Variants in ZNF385D observed in about 807,000 individuals in gnomAD.
ZNF385D encodes the protein zinc finger protein 385D, also known as zinc finger protein 659.
In ZNF385D, 15 loss-of-function variants were observed where a neutral mutation model predicts 35.8. The observed-to-expected ratio is 0.42, with a 90% CI of 0.28 to 0.64. The LOEUF (loss-of-function observed/expected upper bound fraction) is 0.64, where lower values mean the gene tolerates loss of function less well. Among genes scored for constraint, ZNF385D ranks in the 30% least tolerant of loss-of-function variants. ZNF385D has a pLI of 0.23. For missense variants in ZNF385D, 474 were observed against 494.6 expected (o/e 0.96, Z 0.39); for synonymous variants, 212 against 186.8 (o/e 1.13, Z -1.10).
chr3:22,199,421 G>T (rs948119125), intron 2 of ZNF385D, among the ~76,000 whole-genome samples: 1 of 152,060 alleles, frequency 6.6e-6, no homozygotes, highest in African/African-American at 2.4e-5. Context: ...ATCCAAAAAG[G>T]GAGTGTTTGC....
At chr3:22,094,382 G>T (rs1360138229) in intron 3 of ZNF385D, among the ~76,000 whole-genome samples, 1 of 29,006 alleles carries the variant, frequency 3.4e-5, no homozygotes, top group Non-Finnish European at 7.4e-5. Flanking sequence ...GTCATTTATT[G>T]TTGATATATA....
intron 4 of ZNF385D, among the ~76,000 whole-genome samples, chr3:21,460,396 G>C (rs879385001): frequency 6.6e-6 from 1 of 152,120 alleles, no homozygotes; most frequent in Non-Finnish European, 1.5e-5. Flanking sequence ...ATAAAACAGT[G>C]GGTGGATAAT....
In ZNF385D at chr3:22,044,933, C is replaced by T. The variant is rs189197651; in HGVS notation, c.325+123884G>A. Among the ~76,000 whole-genome samples the T allele has an allele frequency of 1.8e-3, 273 of 152,098 alleles. 3 individuals are homozygous for T. Among genetic ancestry groups the T allele is most frequent in the African/African-American group, 6.1e-3 (255 of 41,504 alleles). On this transcript the variant is annotated intron_variant, in intron 3 of 5. Transcript: ENST00000494108. ...GTAATTGGAAGTATGGTGCAGAATA[C>T]GGAGAGGTACATAAAAAAAGACTGA...
intron 3 of ZNF385D, among the ~76,000 whole-genome samples, chr3:21,816,067 C>T (rs940086636): frequency 6.6e-6 from 1 of 152,182 alleles, no homozygotes; most frequent in South Asian, 2.1e-4. Context: ...ATAAACAGAA[C>T]CAAAGACAAA....
chr3:22,175,658 G>A (rs578131340), intron 2 of ZNF385D, among the ~76,000 whole-genome samples: 55 of 151,564 alleles, frequency 3.6e-4, no homozygotes, highest in Non-Finnish European at 4.1e-4. Flanking sequence ...AAAAAAATAC[G>A]TAGTAACTTT....
At chr3:21,483,773 T>C (rs559607951) in intron 4 of ZNF385D, among the ~76,000 whole-genome samples, 1 of 152,326 alleles carries the variant, frequency 6.6e-6, no homozygotes, top group East Asian at 1.9e-4. Context: ...GGATTATTTG[T>C]TTTCTTGCTG....
chr3:22,269,714 T>G (rs1701076323), intron 2 of ZNF385D, among the ~76,000 whole-genome samples: 1 of 151,862 alleles, frequency 6.6e-6, no homozygotes, highest in African/African-American at 2.4e-5. Context: ...TCATTCTCTT[T>G]TTTTGGGGGG....
At chr3:22,272,260 T>C (rs1247632767) in intron 2 of ZNF385D, among the ~76,000 whole-genome samples, 1 of 152,054 alleles carries the variant, frequency 6.6e-6, no homozygotes, top group Admixed American at 6.6e-5. Flanking sequence ...ACTTGCAATA[T>C]TATCAACTTA....
intron 3 of ZNF385D, among the ~76,000 whole-genome samples, chr3:22,076,496 C>G (rs1412734413): frequency 6.6e-6 from 1 of 151,900 alleles, no homozygotes; most frequent in Non-Finnish European, 1.5e-5. Context: ...CATAACCAAA[C>G]CACTTAAAGT....
intron 1 of ZNF385D, among the ~76,000 whole-genome samples, chr3:21,741,632 G>T (rs2336043): frequency 0.18 from 26,892 of 150,738 alleles, 2,500 homozygotes; most frequent in Middle Eastern, 0.31. Context: ...ATTTTGCCTT[G>T]TTTTTTTTTT....
chr3:21,484,453 C>A (rs1312254692), intron 4 of ZNF385D, among the ~76,000 whole-genome samples: 1 of 152,204 alleles, frequency 6.6e-6, no homozygotes, highest in Non-Finnish European at 1.5e-5. Flanking sequence ...GGTCAGTGAA[C>A]ATCCAAGACC....
At chr3:22,352,539 G>A (rs571073915) in intron 2 of ZNF385D, among the ~76,000 whole-genome samples, 1 of 152,108 alleles carries the variant, frequency 6.6e-6, no homozygotes, top group Non-Finnish European at 1.5e-5. Context: ...TTGGATCTTT[G>A]ATTCTTGTAA....
intron 2 of ZNF385D, among the ~76,000 whole-genome samples, chr3:22,256,963 G>A (rs1559482648): frequency 6.6e-6 from 1 of 151,726 alleles, no homozygotes; most frequent in African/African-American, 2.4e-5. Flanking sequence ...GGAAGACTTA[G>A]ATCAAAAGTT....
intron 2 of ZNF385D, among the ~76,000 whole-genome samples, chr3:21,656,747 T>G (rs1048124250): frequency 6.6e-6 from 1 of 151,958 alleles, no homozygotes. Context: ...TTGCTAGCCA[T>G]GAAACTGGAC....
chr3:21,651,510 G>A (rs996280845), intron 2 of ZNF385D, among the ~76,000 whole-genome samples: 6 of 151,334 alleles, frequency 4.0e-5, no homozygotes, highest in Non-Finnish European at 5.9e-5. Context: ...CAGCAATGTG[G>A]TATTTTTTTT....
chr3:22,022,834 G>A lies in ZNF385D; in HGVS notation c.325+145983C>T, dbSNP rs184449176. 3.9e-5 allele frequency among the ~76,000 whole-genome samples: 6 copies of A among 152,224 alleles called. 1 individual carries two copies. Among genetic ancestry groups the A allele is most frequent in the Admixed American group, 1.3e-4 (2 of 15,264 alleles). ...ATAACATATGCAAAATAGTTACCAGGAAGGCAAAACGAATATTTTTAAAAG... is the reference window on the plus strand; with the variant it reads ...ATAACATATGCAAAATAGTTACCAGAAAGGCAAAACGAATATTTTTAAAAG... On this transcript the variant is annotated intron_variant, in intron 3 of 5. Coordinates refer to the ZNF385D transcript ENST00000494108.
chr3:22,275,655 A>C (rs1241457960), intron 2 of ZNF385D, among the ~76,000 whole-genome samples: 1 of 152,180 alleles, frequency 6.6e-6, no homozygotes, highest in East Asian at 1.9e-4. Flanking sequence ...GGAAAAGCCA[A>C]TAATCATATT....
chr3:22,246,786 T>C (rs1453613496), intron 2 of ZNF385D, among the ~76,000 whole-genome samples: 1 of 152,134 alleles, frequency 6.6e-6, no homozygotes, highest in Admixed American at 6.6e-5. Context: ...GTCTTACATG[T>C]TCCCACTCTT....
chr3:21,732,027 G>GT lies in ZNF385D; in HGVS notation c.22+18867_22+18868insA, dbSNP rs1559561812. Among the ~76,000 whole-genome samples, 28 of 64,262 alleles carry GT rather than the reference G, an allele frequency of 4.4e-4. 6 individuals carry two copies. Among genetic ancestry groups the GT allele is most frequent in the South Asian group, 1.4e-3 (2 of 1,468 alleles). The allele number at this position is 64,262 out of a possible 152,430, so 42.2% of individuals were successfully genotyped here. The stretch of plus-strand genomic sequence containing the variant: ...CTATTCAGGGTTTTTTTCTTTTTTC[G>GT]GGGTTTTTTTTTTTTTTTTTTTTTT... On this transcript the variant is annotated intron_variant, in intron 1 of 7. Transcript: ENST00000281523.
Sources: allele counts gnomAD v4.1 joint callset (sites outside exome capture counted in the v4.1 genomes callset), GRCh38; gene constraint gnomAD v4.1.1; transcripts MANE v1.5; gene names NCBI Gene and HGNC (gene_info 2026-07-23, HGNC 2026-07-21).